CNTN3: variants seen among roughly 807,000 people sequenced by gnomAD.
The protein encoded by CNTN3 is contactin 3.
CNTN3 carries 60 observed loss-of-function variants against 119.1 expected under a neutral mutation model. The observed-to-expected ratio is 0.50, with a 90% CI of 0.41 to 0.62. The LOEUF is 0.62. Ranked by LOEUF, CNTN3 falls within the 20% of genes least tolerant of loss-of-function variation. The probability of loss-of-function intolerance (pLI) is 0.00; values close to 1 mark genes in which losing one functional copy is unlikely to be tolerated. For missense variants in CNTN3, 1,101 were observed against 1,242.4 expected (o/e 0.89, Z 1.71); for synonymous variants, 450 against 438.7 (o/e 1.03, Z -0.32).
intron 11 of CNTN3, among the ~76,000 whole-genome samples, chr3:74,347,442 T>G (rs1219400415): frequency 4.6e-5 from 7 of 152,310 alleles, no homozygotes; most frequent in Admixed American, 3.3e-4. Flanking sequence ...AGCCTCCCTC[T>G]GTTGCCCAAG....
rs1405488887 is a variant in CNTN3 at position 74,605,137 on chromosome 3, G to T, written c.-81+9254C>A. ...AGAATAGAATGGTGGTTACCAGGGG[G>T]GTGAGGAGGGAGGTTTAGGGAGATG... On this transcript the variant is annotated intron_variant, in intron 1 of 22. Transcript: ENST00000263665. Among the ~76,000 whole-genome samples the T allele has an allele frequency of 2.6e-5, 4 of 152,150 alleles. No individual in the cohort carries two copies. In the East Asian group the frequency reaches 7.8e-4, roughly 30 times the overall value.
intron 1 of CNTN3, among the ~76,000 whole-genome samples, chr3:74,598,051 A>G (rs1337808607): frequency 6.6e-6 from 1 of 152,022 alleles, no homozygotes; most frequent in Admixed American, 6.6e-5. Context: ...GATTCCTTTT[A>G]TGGTTTACAT....
intron 2 of CNTN3, among the ~76,000 whole-genome samples, chr3:74,502,764 C>T (rs1005269861): frequency 5.9e-5 from 9 of 152,016 alleles, no homozygotes; most frequent in Non-Finnish European, 1.0e-4. Context: ...TGTGACCATC[C>T]GCATTCTCCC....
At chr3:74,344,341 C>T (rs149284486) in intron 11 of CNTN3, among the ~76,000 whole-genome samples, 7 of 149,728 alleles carry the variant, frequency 4.7e-5, no homozygotes, top group Middle Eastern at 3.5e-3. Context: ...TAAAGTCATC[C>T]GCTTTTATTA....
At chr3:74,279,305 A>G (rs934288700) in intron 20 of CNTN3, among the ~76,000 whole-genome samples, 2 of 152,202 alleles carry the variant, frequency 1.3e-5, no homozygotes, top group Admixed American at 1.3e-4. Context: ...AGATACTTGC[A>G]CATGCATGTT....
At chr3:74,382,490 T>C (rs756415301) in intron 5 of CNTN3, among the ~76,000 whole-genome samples, 4 of 151,954 alleles carry the variant, frequency 2.6e-5, no homozygotes, top group Non-Finnish European at 5.9e-5. Flanking sequence ...TTTGGACCCT[T>C]TGACCTACAC....
intron 6 of CNTN3, 56 bp from the exon 7 acceptor site, chr3:74,370,047 G>T: frequency 5.2e-6 from 5 of 962,764 alleles, no homozygotes; most frequent in South Asian, 4.7e-5. Context: ...GAATTGCCTC[G>T]TTTTTCTTAA....
At chr3:74,488,982 C>A (rs1055960855) in intron 3 of CNTN3, among the ~76,000 whole-genome samples, 3 of 152,082 alleles carry the variant, frequency 2.0e-5, no homozygotes, top group African/African-American at 4.8e-5. Flanking sequence ...TTAAGTCTAC[C>A]CTTAAGGTTT....
chr3:74,586,165 G>A (rs1487820043), intron 1 of CNTN3, among the ~76,000 whole-genome samples: 2 of 152,078 alleles, frequency 1.3e-5, no homozygotes, highest in African/African-American at 4.8e-5. Context: ...AGGGCAAGTA[G>A]CCCCAGGCAA....
Position 74,365,132 on chromosome 3 carries a change from A to G in CNTN3, c.1083+434T>C, listed in dbSNP as rs111281645. ...AGTATACAAAAAAAGGGCAAAAATTACATGGCTTGAGAAGGAGAGTGATGG... is the reference window on the plus strand; with the variant it reads ...AGTATACAAAAAAAGGGCAAAAATTGCATGGCTTGAGAAGGAGAGTGATGG... On this transcript the variant is annotated intron_variant, in intron 9 of 22. Coordinates refer to ENST00000263665, the MANE Select transcript of CNTN3 (RefSeq NM_020872.3). Among the ~76,000 whole-genome samples the G allele has an allele frequency of 5.6e-4, 85 of 152,260 alleles. 1 individual carries two copies. Among genetic ancestry groups the G allele is most frequent in the African/African-American group, 1.9e-3 (80 of 41,574 alleles).
At chr3:74,330,469 C>T (rs1703237257) in intron 13 of CNTN3, among the ~76,000 whole-genome samples, 1 of 152,094 alleles carries the variant, frequency 6.6e-6, no homozygotes, top group African/African-American at 2.4e-5. Flanking sequence ...ACCTACTGTG[C>T]TGCCTGTCAT....
rs573489115 is a variant in CNTN3 at position 74,542,238 on chromosome 3, T to G, written c.-80-21046A>C. On this transcript the variant is annotated intron_variant, in intron 1 of 22. Transcript: ENST00000263665. ...ATGAAAAATAAAATAATTTTTTAAATGTAGCATACTCTAGCCTCTTCAGAG... is the reference window on the plus strand; with the variant it reads ...ATGAAAAATAAAATAATTTTTTAAAGGTAGCATACTCTAGCCTCTTCAGAG... Among the ~76,000 whole-genome samples the G allele has an allele frequency of 4.2e-4, 64 of 152,190 alleles. No individual in the cohort carries two copies. The South Asian group carries it at 5.0e-3, about 12-fold the overall frequency.
At chr3:74,462,258 A>G (rs1037891370) in intron 4 of CNTN3, among the ~76,000 whole-genome samples, 1 of 152,056 alleles carries the variant, frequency 6.6e-6, no homozygotes, top group African/African-American at 2.4e-5. Flanking sequence ...CCAATTAAAC[A>G]TCTTTTCTTT....
At chr3:74,272,256 G>A (rs542960375) in intron 20 of CNTN3, among the ~76,000 whole-genome samples, 1 of 152,306 alleles carries the variant, frequency 6.6e-6, no homozygotes, top group African/African-American at 2.4e-5. Context: ...ATTCAAAGCT[G>A]TCCTGAGCCA....
At chr3:74,374,696 A>G (rs1704433852) in intron 5 of CNTN3, among the ~76,000 whole-genome samples, 1 of 152,130 alleles carries the variant, frequency 6.6e-6, no homozygotes, top group South Asian at 2.1e-4. Flanking sequence ...TTTCACCACC[A>G]AAGAAGAAAA....
chr3:74,570,214 G>A (rs1310273448), intron 1 of CNTN3, among the ~76,000 whole-genome samples: 1 of 152,052 alleles, frequency 6.6e-6, no homozygotes, highest in Non-Finnish European at 1.5e-5. Context: ...ACATGTATAT[G>A]GAGGGGGAGG....
intron 5 of CNTN3, among the ~76,000 whole-genome samples, chr3:74,402,241 G>T (rs1705215646): frequency 6.6e-6 from 1 of 152,124 alleles, no homozygotes; most frequent in Non-Finnish European, 1.5e-5. Context: ...TCTTTCCAGT[G>T]AAAAATATAG....
chr3:74,385,824 T>A (rs1704733431), intron 5 of CNTN3, among the ~76,000 whole-genome samples: 1 of 152,228 alleles, frequency 6.6e-6, no homozygotes, highest in African/African-American at 2.4e-5. Context: ...AGCAATACTG[T>A]GATTAACAAA....
chr3:74,408,970 G>A (rs1253332303), intron 5 of CNTN3, among the ~76,000 whole-genome samples: 1 of 152,058 alleles, frequency 6.6e-6, no homozygotes, highest in African/African-American at 2.4e-5. Flanking sequence ...CAAGTGTAAA[G>A]GTTCTCTATT....
Sources: gnomAD v4.1 joint callset for allele counts (sites outside exome capture counted in the v4.1 genomes callset) on GRCh38, gnomAD v4.1.1 for gene constraint, MANE v1.5 for transcripts, NCBI Gene and HGNC (gene_info 2026-07-23, HGNC 2026-07-21) for gene names.